Variants in EMID1 observed in about 807,000 individuals in gnomAD.
EMID1 encodes the protein EMI domain containing 1.
A neutral mutation model predicts 60.6 loss-of-function variants in EMID1; 40 were observed. That is an observed-to-expected ratio of 0.66 (90% CI 0.51 to 0.86). The LOEUF (loss-of-function observed/expected upper bound fraction) is 0.86. EMID1 is among the 40% of genes least tolerant of loss of function. EMID1 has a pLI of 0.00. For synonymous variants in EMID1, 242 were observed against 231.0 expected (o/e 1.05, Z -0.43); for missense variants, 585 against 597.1 (o/e 0.98, Z 0.21).
intron 8 of EMID1, 42 bp downstream of exon 8, chr22:29,232,444 A>C (rs1025238493): frequency 1.8e-5 from 27 of 1,508,890 alleles, no homozygotes; most frequent in Non-Finnish European, 2.2e-5. Context: ...GTGGGGGTGG[A>C]GTAGCCATCA....
rs541536349 is a variant in EMID1, at chr22:29,234,312, G to T, written c.1037G>T (p.Arg346Leu). ...CTCCTCCCTCTTACACAGGGACTGC[G>T]TGGGGAGCCTGGCCCCCAAGGCTCT... ...HPGEKGERGL[R>L]GEPGPQGSAG... Residue 346 changes from arginine to leucine, a missense_variant, in exon 12 of 15, where the codon CGT becomes CTT. Coordinates refer to ENST00000334018, the MANE Select transcript of EMID1 (RefSeq NM_133455.4). 8.7e-6 allele frequency: 14 copies of T among 1,613,978 alleles called. No homozygotes were observed. The African/African-American group carries it at 1.3e-4, about 15-fold the overall frequency.
chr22:29,258,928 G>C lies in EMID1; in HGVS notation c.1316G>C (p.Arg439Pro). 2 of 1,612,874 alleles carry C rather than the reference G, an allele frequency of 1.2e-6. No homozygotes were observed. Among genetic ancestry groups the C allele is most frequent in the Non-Finnish European group, 1.7e-6 (2 of 1,179,478 alleles). The change falls in exon 15 of 15, where the codon CGG becomes CCG. Residue 439 changes from arginine (R) to proline (P), a missense_variant. Transcript: ENST00000334018. ...TNYRIVAPRS[R>P]DERG ...TACCGGATCGTGGCCCCCAGGAGCC[G>C]GGACGAGAGAGGCTGAGGGTGGTGG...
At chr22:29,226,739 C>T (rs978280337) in intron 5 of EMID1, among the ~76,000 whole-genome samples, 188 bp downstream of exon 5, 1 of 152,104 alleles carries the variant, frequency 6.6e-6, no homozygotes, top group Non-Finnish European at 1.5e-5. Flanking sequence ...CCTCCAGTGT[C>T]CCTCCCTAGG....
At chr22:29,233,918 T>G in intron 10 of EMID1, 2 of 659,574 alleles carry the variant, frequency 3.0e-6, no homozygotes, top group South Asian at 4.0e-5. Context: ...GAGATTCTTG[T>G]GCCAGCACAT....
chr22:29,210,815 G>A (rs1361958517), intron 1 of EMID1, among the ~76,000 whole-genome samples: 3 of 152,212 alleles, frequency 2.0e-5, no homozygotes, highest in East Asian at 3.8e-4. Flanking sequence ...GCCTAGTCTG[G>A]GGGCTGGGCA....
chr22:29,220,721 GC>G (rs2040261431), intron 3 of EMID1, among the ~76,000 whole-genome samples: 2 of 152,032 alleles, frequency 1.3e-5, no homozygotes, highest in African/African-American at 4.8e-5. Context: ...TGGAATCCCA[GC>G]CCCCCTCGTC....
chr22:29,258,878 C>T lies in EMID1; in HGVS notation c.1266C>T (p.Gly422=), dbSNP rs1207022961. The T allele has an allele frequency of 1.2e-6, 2 of 1,613,278 alleles. No homozygotes were observed. Among genetic ancestry groups the T allele is most frequent in the Admixed American group, 1.7e-5 (1 of 59,958 alleles). The change falls in exon 15 of 15, where the codon GGC becomes GGT. Residue 422 remains glycine, a synonymous_variant. Transcript: ENST00000334018. The part of the protein sequence containing the change: ...AGTGTPSLLR[G]KRGGHATNYR... ...CAGGCACCCCCAGCCTCCTTCGGGG[C>T]AAGAGGGGCGGACATGCAACCAACT...
chr22:29,230,893 C>A, intron 5 of EMID1, 127 bp from the exon 6 acceptor site: 6 of 1,262,890 alleles, frequency 4.8e-6, no homozygotes, highest in Non-Finnish European at 6.3e-6. Context: ...GTGGTTGAGG[C>A]TGCATGAGCC....
rs1288150518 is a variant in EMID1, at chr22:29,254,066, G to C, written c.1120-137G>C. ...GTCCTCACCTGGTCTTGTTCTGGCT[G>C]TCCATGGACCCTGGGCTGTGGCAGG... On this transcript the variant is annotated intron_variant, in intron 13 of 14. Coordinates refer to ENST00000334018, the MANE Select transcript of EMID1 (RefSeq NM_133455.4). 5 of 1,548,174 alleles carry C rather than the reference G, an allele frequency of 3.2e-6. No individual in the cohort carries two copies. In the African/African-American group the frequency reaches 4.1e-5, roughly 13 times the overall value.
At chr22:29,206,525 TG>T (rs2039662731) in intron 1 of EMID1, among the ~76,000 whole-genome samples, 1 of 152,216 alleles carries the variant, frequency 6.6e-6, no homozygotes, top group Non-Finnish European at 1.5e-5. Context: ...CCTGTTTTTT[TG>T]CTTTGTTTTG....
chr22:29,207,090 C>A (rs1231099242), intron 1 of EMID1, among the ~76,000 whole-genome samples: 2 of 152,238 alleles, frequency 1.3e-5, no homozygotes, highest in African/African-American at 2.4e-5. Flanking sequence ...CGGCCCCCAC[C>A]CCCTACGGCC....
chr22:29,226,624 C>T (rs71327343), intron 5 of EMID1, 73 bp downstream of exon 5: 2 of 1,476,406 alleles, frequency 1.4e-6, no homozygotes, highest in Non-Finnish European at 1.8e-6. Flanking sequence ...ATCCCACCCT[C>T]CCCACCTCCT....
chr22:29,228,723 T>C (rs1431961812), intron 5 of EMID1, among the ~76,000 whole-genome samples: 1 of 152,150 alleles, frequency 6.6e-6, no homozygotes, highest in African/African-American at 2.4e-5. Context: ...ACCTCCTGAG[T>C]AGCTGGCATT....
intron 1 of EMID1, among the ~76,000 whole-genome samples, chr22:29,211,451 C>T (rs1352349749): frequency 6.6e-6 from 1 of 151,924 alleles, no homozygotes; most frequent in South Asian, 2.1e-4. Context: ...TGTGTGTGCA[C>T]GTGCTCACTG....
At chr22:29,251,356 A>G (rs1455784754) in intron 13 of EMID1, among the ~76,000 whole-genome samples, 1 of 149,366 alleles carries the variant, frequency 6.7e-6, no homozygotes, top group African/African-American at 2.5e-5. Context: ...TGCTGGGATT[A>G]CAGACGTGAG....
At chr22:29,245,940 G>T (rs2041314590) in intron 13 of EMID1, among the ~76,000 whole-genome samples, 1 of 152,238 alleles carries the variant, frequency 6.6e-6, no homozygotes, top group African/African-American at 2.4e-5. Flanking sequence ...CAGACCTGGA[G>T]CTGGGCACTG....
At chr22:29,251,052 G>A (rs1442219713) in intron 13 of EMID1, among the ~76,000 whole-genome samples, 1 of 151,732 alleles carries the variant, frequency 6.6e-6, no homozygotes, top group Non-Finnish European at 1.5e-5. Flanking sequence ...CAAAGTACTG[G>A]AATTACAGGT....
At chr22:29,211,357 A>C (rs1178060907) in intron 1 of EMID1, among the ~76,000 whole-genome samples, 1 of 152,106 alleles carries the variant, frequency 6.6e-6, no homozygotes, top group East Asian at 1.9e-4. Context: ...GTTTGTGTGC[A>C]TGTATGGAGC....
intron 13 of EMID1, among the ~76,000 whole-genome samples, chr22:29,251,587 T>C (rs2041530218): frequency 1.3e-5 from 2 of 149,172 alleles, no homozygotes; most frequent in African/African-American, 4.9e-5. Flanking sequence ...AGCCTCAAAC[T>C]CTTGTGCTCA....
Sources: gnomAD v4.1 joint callset for allele counts (sites outside exome capture counted in the v4.1 genomes callset) on GRCh38, gnomAD v4.1.1 for gene constraint, MANE v1.5 for transcripts, NCBI Gene and HGNC (gene_info 2026-07-23, HGNC 2026-07-21) for gene names.